TENM3: variants seen among roughly 807,000 people sequenced by gnomAD.
The protein encoded by TENM3 is teneurin-3.
Under a neutral mutation model 255.1 loss-of-function variants are expected in TENM3, and 63 were observed. The observed-to-expected ratio is 0.25, with a 90% confidence interval of 0.20 to 0.30. The LOEUF (loss-of-function observed/expected upper bound fraction) is 0.30. TENM3 is among the 10% of genes least tolerant of loss of function. The pLI is 1.00. For missense variants in TENM3, 2,929 were observed against 3,461.1 expected, an observed-to-expected ratio of 0.85 and a Z score of 3.86; for synonymous variants, 1,306 against 1,322.3, an observed-to-expected ratio of 0.99 and a Z score of 0.27.
chr4:182,086,523 A>G, the TENM3 span, among the ~76,000 whole-genome samples: 102,215 of 152,118 alleles, frequency 0.67, 34,915 homozygotes, highest in African/African-American at 0.8. Flanking sequence ...AAGAAGAGAA[A>G]TGGAGAGAGA....
intron 3 of TENM3, among the ~76,000 whole-genome samples, chr4:182,575,364 T>C (rs1046050406): frequency 1.3e-5 from 2 of 152,206 alleles, no homozygotes; most frequent in African/African-American, 4.8e-5. Context: ...GTAAATATTT[T>C]AGGCTTTTCA....
intron 1 of TENM3, among the ~76,000 whole-genome samples, chr4:182,181,140 T>C (rs1752815514): frequency 6.6e-6 from 1 of 152,136 alleles, no homozygotes; most frequent in Admixed American, 6.5e-5. Context: ...AATAAAACAG[T>C]AAGAATGAAA....
the TENM3 span, among the ~76,000 whole-genome samples, chr4:181,668,057 T>A: frequency 6.6e-6 from 1 of 152,294 alleles, no homozygotes; most frequent in East Asian, 1.9e-4. Flanking sequence ...AGAATTTTTA[T>A]CTGTATGAGA....
chr4:181,915,957 G>A, the TENM3 span, among the ~76,000 whole-genome samples: 1 of 152,122 alleles, frequency 6.6e-6, no homozygotes, highest in Non-Finnish European at 1.5e-5. Flanking sequence ...ACAGATTTGG[G>A]TCAAGTTTAT....
the TENM3 span, among the ~76,000 whole-genome samples, chr4:181,614,260 C>G: frequency 6.6e-6 from 1 of 152,058 alleles, no homozygotes; most frequent in Non-Finnish European, 1.5e-5. Context: ...CAGTTTCTCC[C>G]ACCTGTAAGT....
the TENM3 span, among the ~76,000 whole-genome samples, chr4:181,496,857 T>A: frequency 1.3e-5 from 2 of 152,194 alleles, no homozygotes; most frequent in South Asian, 2.1e-4. Flanking sequence ...ATTAATTGTA[T>A]CTGGATAATC....
the TENM3 span, among the ~76,000 whole-genome samples, chr4:182,001,273 A>G: frequency 1.3e-5 from 2 of 152,104 alleles, no homozygotes; most frequent in Non-Finnish European, 2.9e-5. Flanking sequence ...TTGGCTGCAC[A>G]TCGAAGAAAC....
At chr4:182,442,684 G>A (rs1346949200) in intron 3 of TENM3, among the ~76,000 whole-genome samples, 1 of 151,936 alleles carries the variant, frequency 6.6e-6, no homozygotes. Flanking sequence ...CTCCACCTCC[G>A]AGGCTCAAGT....
chr4:181,965,074 T>C, the TENM3 span, among the ~76,000 whole-genome samples: 1 of 152,194 alleles, frequency 6.6e-6, no homozygotes, highest in African/African-American at 2.4e-5. Flanking sequence ...CTGTTAGATG[T>C]GTAAAATATT....
At chr4:182,377,645 T>C (rs17073202) in intron 3 of TENM3, among the ~76,000 whole-genome samples, 9,466 of 152,224 alleles carry the variant, frequency 0.062, 822 homozygotes, top group African/African-American at 0.2. Context: ...GATATTGTCA[T>C]TGCTTGTTTC....
chr4:182,320,579 T>C (rs1384821955), intron 1 of TENM3, among the ~76,000 whole-genome samples: 1 of 152,188 alleles, frequency 6.6e-6, no homozygotes, highest in Non-Finnish European at 1.5e-5. Flanking sequence ...TATGACCTCA[T>C]CATAATCTTA....
chr4:181,702,261 T>A, the TENM3 span, among the ~76,000 whole-genome samples: 1 of 152,344 alleles, frequency 6.6e-6, no homozygotes, highest in South Asian at 2.1e-4. Context: ...CTCAGTAAGA[T>A]GTCAGATCAG....
At chr4:182,123,174 GTT>G in the TENM3 span, among the ~76,000 whole-genome samples, 1 of 152,076 alleles carries the variant, frequency 6.6e-6, no homozygotes, top group African/African-American at 2.4e-5. Context: ...GTTGTTGTTT[GTT>G]TTTTGTTTGT....
At chr4:182,431,442 C>G (rs542506697) in intron 3 of TENM3, among the ~76,000 whole-genome samples, 1 of 151,948 alleles carries the variant, frequency 6.6e-6, no homozygotes, top group African/African-American at 2.4e-5. Flanking sequence ...TGCAGTGTGC[C>G]GAGATCGCGC....
the TENM3 span, among the ~76,000 whole-genome samples, chr4:181,743,864 T>C: frequency 6.6e-6 from 1 of 152,032 alleles, no homozygotes; most frequent in South Asian, 2.1e-4. Flanking sequence ...TGCAGGTTTG[T>C]TATATAGGTA....
the TENM3 span, among the ~76,000 whole-genome samples, chr4:181,981,438 A>G: frequency 6.6e-6 from 1 of 152,216 alleles, no homozygotes; most frequent in Non-Finnish European, 1.5e-5. Context: ...TTAAAAATGT[A>G]TATAAGACAA....
intron 1 of TENM3, among the ~76,000 whole-genome samples, chr4:182,277,692 C>T (rs1429787839): frequency 1.3e-5 from 2 of 152,124 alleles, no homozygotes; most frequent in African/African-American, 4.8e-5. Context: ...GGATAGAGTC[C>T]CAGTTCTCTA....
chr4:182,646,566 A>T (rs933440680), intron 5 of TENM3, among the ~76,000 whole-genome samples: 5 of 151,792 alleles, frequency 3.3e-5, no homozygotes, highest in African/African-American at 1.2e-4. Context: ...ACATCATGAA[A>T]CCCCGTCTCT....
At chr4:181,663,891 T>A in the TENM3 span, among the ~76,000 whole-genome samples, 1 of 152,222 alleles carries the variant, frequency 6.6e-6, no homozygotes, top group Non-Finnish European at 1.5e-5. Context: ...GCAGCACCGC[T>A]TTCATCTTTG....
Sources: allele counts gnomAD v4.1 joint callset (sites outside exome capture counted in the v4.1 genomes callset), GRCh38; gene constraint gnomAD v4.1.1; transcripts MANE v1.5; gene names NCBI Gene and HGNC (gene_info 2026-07-23, HGNC 2026-07-21).